Variants in RHCE observed in about 807,000 individuals in gnomAD.
RHCE encodes the protein blood group Rh(CE) polypeptide.
A neutral mutation model predicts 43.8 loss-of-function variants in RHCE; 22 were observed. The ratio of observed to expected loss-of-function variants is 0.50; its 90% confidence interval spans 0.36 to 0.72. The LOEUF (loss-of-function observed/expected upper bound fraction) is 0.72. RHCE is among the 30% of genes least tolerant of loss of function. RHCE has a pLI of 0.00. For synonymous variants in RHCE, 156 were observed against 210.7 expected, an observed-to-expected ratio of 0.74 and a Z score of 2.25; for missense variants, 385 against 525.4, an observed-to-expected ratio of 0.73 and a Z score of 2.61.
intron 2 of RHCE, among the ~76,000 whole-genome samples, chr1:25,404,454 C>T (rs1187378783): frequency 6.7e-6 from 1 of 149,020 alleles, no homozygotes; most frequent in East Asian, 1.9e-4. Flanking sequence ...GGGAAGGAGT[C>T]TTACAGGGAC....
At position 25,409,347 on chromosome 1, in the gene RHCE, G is replaced by A. The variant is rs1647004000; in HGVS notation, c.149-478C>T. Among the ~76,000 whole-genome samples, 2 of 123,922 alleles carry A rather than the reference G, an allele frequency of 1.6e-5. 1 individual carries two copies. 81.3% of individuals were successfully genotyped at this position (123,922 alleles called of 152,430 possible). On this transcript the variant is annotated intron_variant, in intron 1 of 9. Coordinates refer to ENST00000294413, the MANE Select transcript of RHCE (RefSeq NM_020485.8). Reference sequence around the variant, plus strand: ...ACACAGAAAAGAGAGGGCAGAGATAGGCCCAGTGCTCTTGTTGTTGGGAAC... The same window carrying A: ...ACACAGAAAAGAGAGGGCAGAGATAAGCCCAGTGCTCTTGTTGTTGGGAAC...
intron 9 of RHCE, among the ~76,000 whole-genome samples, chr1:25,367,878 G>A (rs534431895): frequency 6.7e-6 from 1 of 149,630 alleles, no homozygotes; most frequent in Non-Finnish European, 1.5e-5. Flanking sequence ...GGAGGCTGAG[G>A]GGGGAGGATC....
intron 6 of RHCE, among the ~76,000 whole-genome samples, chr1:25,388,676 G>A (rs1035355767): frequency 6.6e-6 from 1 of 152,122 alleles, no homozygotes; most frequent in African/African-American, 2.4e-5. Context: ...TAAAACAGGG[G>A]CTTCTGGGCT....
rs746303049 is a variant in RHCE at position 25,392,134 on chromosome 1, T to C, written c.494A>G (p.Tyr165Cys). 1.2e-6 allele frequency: 2 copies of C among 1,614,136 alleles called. No homozygotes were observed. The highest frequency in any genetic ancestry group is 1.7e-6 in the Non-Finnish European group (2 of 1,180,014). The change falls in exon 4 of 10, where the codon TAC (tyrosine) becomes TGC (cysteine). Residue 165 changes from tyrosine to cysteine, a missense_variant. Coordinates refer to ENST00000294413, the MANE Select transcript of RHCE (RefSeq NM_020485.8). ...GTAGAAGTGCCTCAGGTTCATGTGGTAGTCTGTCTGCAATAAAACCCAGTA... is the reference window on the plus strand; with the variant it reads ...GTAGAAGTGCCTCAGGTTCATGTGGCAGTCTGTCTGCAATAAAACCCAGTA... The part of the protein sequence containing the change: ...MVISNIFNTD[Y>C]HMNLRHFYVF...
At chr1:25,370,134 T>C (rs1423534552) in intron 9 of RHCE, among the ~76,000 whole-genome samples, 1 of 151,682 alleles carries the variant, frequency 6.6e-6, no homozygotes, top group African/African-American at 2.4e-5. Flanking sequence ...GCTTTTGCAT[T>C]GCGGGGTTCT....
At chr1:25,379,388 T>C (rs1348201256) in intron 7 of RHCE, among the ~76,000 whole-genome samples, 4 of 143,592 alleles carry the variant, frequency 2.8e-5, no homozygotes, top group African/African-American at 1.0e-4. Flanking sequence ...ACCATAGCAT[T>C]CTGCCCCAGC....
In RHCE at chr1:25,390,270, T is replaced by C. The variant is rs623505; in HGVS notation, c.801+479A>G. Among the ~76,000 whole-genome samples the C allele has an allele frequency of 1.1e-3, 170 of 149,822 alleles. 1 individual carries two copies. Among genetic ancestry groups the C allele is most frequent in the African/African-American group, 3.7e-3 (147 of 40,236 alleles). The stretch of plus-strand genomic sequence containing the variant: ...CTTTACATGCACCATCTCTTAATTC[T>C]CACTTTACAGATGAGGCCACTGAGA... On this transcript the variant is annotated intron_variant, in intron 5 of 9. Coordinates refer to ENST00000294413, the MANE Select transcript of RHCE (RefSeq NM_020485.8).
chr1:25,408,537 T>C, intron 2 of RHCE, 146 bp downstream of exon 2: 1 of 700,682 alleles, frequency 1.4e-6, no homozygotes, highest in South Asian at 2.7e-5. Context: ...AAACAATGAA[T>C]AATCTTTTAG....
At chr1:25,416,415 C>T (rs914740510) in intron 1 of RHCE, among the ~76,000 whole-genome samples, 1 of 152,032 alleles carries the variant, frequency 6.6e-6, no homozygotes, top group Non-Finnish European at 1.5e-5. Context: ...AGGCACCCGC[C>T]ACCATACCCA....
intron 7 of RHCE, among the ~76,000 whole-genome samples, chr1:25,376,449 G>T (rs780926136): frequency 6.6e-6 from 1 of 152,148 alleles, no homozygotes; most frequent in African/African-American, 2.4e-5. Context: ...TAAGACAAAG[G>T]AAAGCTCCAA....
chr1:25,404,385 A>C (rs1258172423), intron 2 of RHCE, among the ~76,000 whole-genome samples: 1 of 143,510 alleles, frequency 7.0e-6, no homozygotes, highest in Admixed American at 7.0e-5. Flanking sequence ...TTTGCTGCAG[A>C]CTATGCCCGC....
At chr1:25,386,138 T>G (rs1646151678) in intron 6 of RHCE, among the ~76,000 whole-genome samples, 1 of 152,186 alleles carries the variant, frequency 6.6e-6, no homozygotes. Flanking sequence ...GGGTCTAGTG[T>G]AGGCACTATT....
chr1:25,388,565 T>C (rs999650491), intron 6 of RHCE, among the ~76,000 whole-genome samples: 4 of 151,706 alleles, frequency 2.6e-5, no homozygotes, highest in African/African-American at 7.3e-5. Context: ...GGCTGCTTTC[T>C]TGAAGCAAAA....
intron 7 of RHCE, among the ~76,000 whole-genome samples, chr1:25,379,487 ATATATATATTTTTTTTTTT>A (rs1189316259): frequency 0.059 from 1,184 of 19,964 alleles, 5 homozygotes; most frequent in Non-Finnish European, 0.064. Context: ...ATATATATAT[ATATATATATTTTTTTTTTT>A]TTTTTTTTTT....
intron 9 of RHCE, among the ~76,000 whole-genome samples, chr1:25,369,570 A>G (rs762733869): frequency 4.0e-5 from 6 of 151,234 alleles, no homozygotes; most frequent in Admixed American, 2.0e-4. Flanking sequence ...AAATGCTACA[A>G]TGTAACACGG....
chr1:25,373,025 T>G (rs1571831210), intron 8 of RHCE, among the ~76,000 whole-genome samples: 1 of 151,698 alleles, frequency 6.6e-6, no homozygotes, highest in East Asian at 1.9e-4. Flanking sequence ...TGGCTTGAAC[T>G]CCTGGCCTCA....
At chr1:25,383,029 T>C (rs1315496741) in intron 7 of RHCE, among the ~76,000 whole-genome samples, 1 of 152,240 alleles carries the variant, frequency 6.6e-6, no homozygotes, top group Non-Finnish European at 1.5e-5. Context: ...TATGGCAGTC[T>C]GAGGTTTTCT....
chr1:25,385,277 G>C (rs1646117145), intron 7 of RHCE, among the ~76,000 whole-genome samples: 1 of 152,208 alleles, frequency 6.6e-6, no homozygotes. Context: ...CAACAGCCCT[G>C]TGAGGGGAGA....
chr1:25,404,030 T>C (rs1646836991), intron 2 of RHCE, among the ~76,000 whole-genome samples: 1 of 149,172 alleles, frequency 6.7e-6, no homozygotes, highest in South Asian at 2.1e-4. Flanking sequence ...TACCCGGGCA[T>C]GGTGGTGCAT....
Sources: allele counts gnomAD v4.1 joint callset (sites outside exome capture counted in the v4.1 genomes callset), GRCh38; gene constraint gnomAD v4.1.1; transcripts MANE v1.5; gene names NCBI Gene and HGNC (gene_info 2026-07-23, HGNC 2026-07-21).